Variants in YEATS2 observed in about 807,000 individuals in gnomAD.
YEATS2 encodes the protein YEATS domain-containing protein 2.
YEATS2 carries 77 observed loss-of-function variants against 163.2 expected under a neutral mutation model. The ratio of observed to expected loss-of-function variants is 0.47; its 90% CI spans 0.39 to 0.57. YEATS2 has a LOEUF of 0.57. YEATS2 is among the 20% of genes least tolerant of loss of function. The probability of loss-of-function intolerance (pLI) is 0.00; values close to 1 mark genes in which losing one functional copy is unlikely to be tolerated. For synonymous variants in YEATS2, 631 were observed against 645.1 expected (o/e 0.98, Z 0.33); for missense variants, 1,549 against 1,729.8 (o/e 0.90, Z 1.85).
rs202024193 is a variant in YEATS2 at position 183,732,294 on chromosome 3, C to CA, written c.812+3452dup. 0.011 allele frequency among the ~76,000 whole-genome samples: 1,671 copies of CA among 150,010 alleles called. 62 individuals are homozygous for CA. The East Asian group carries it at 0.14, about 13-fold the overall frequency. ...TGAAACCTTGTCTCTACTAAAAATA[C>CA]AAAAAAAAATTAGCCATGCCCGGTG... On this transcript the variant is annotated intron_variant, in intron 7 of 30. Coordinates refer to ENST00000305135, the MANE Select transcript of YEATS2 (RefSeq NM_018023.5).
intron 23 of YEATS2, 92 bp from the exon 24 acceptor site, chr3:183,800,374 T>G: frequency 4.3e-5 from 38 of 878,296 alleles, no homozygotes; most frequent in Non-Finnish European, 6.3e-5. Context: ...GTTTCCTTAC[T>G]GAGCTTCACT....
chr3:183,804,377 C>T (rs1208167068), intron 27 of YEATS2, among the ~76,000 whole-genome samples, 189 bp downstream of exon 27: 1 of 152,248 alleles, frequency 6.6e-6, no homozygotes, highest in Non-Finnish European at 1.5e-5. Flanking sequence ...TGTTGTGCCC[C>T]AGCCACACAT....
chr3:183,808,061 A>G lies in YEATS2; in HGVS notation c.4043A>G (p.His1348Arg). The part of the protein sequence containing the change: ...IGITLQPVAL[H>R]RNVYASVVED... ...ATCACCCTGCAGCCCGTGGCACTCC[A>G]CAGGAACGTGTATGCGTCCGTGGTG... The change falls in exon 29 of 31, where the codon CAC (histidine) becomes CGC (arginine). Residue 1348 changes from histidine (H) to arginine (R), a missense_variant. By Grantham distance (29) the His-to-Arg change is conservative (BLOSUM62 0). Coordinates refer to ENST00000305135, the MANE Select transcript of YEATS2 (RefSeq NM_018023.5). 6.4e-7 allele frequency: 1 copy of G among 1,563,448 alleles called. No individual in the cohort carries two copies. The highest frequency in any genetic ancestry group is 8.7e-7 in the Non-Finnish European group (1 of 1,153,254).
intron 8 of YEATS2, among the ~76,000 whole-genome samples, chr3:183,742,035 C>G (rs939671323): frequency 2.7e-5 from 4 of 146,860 alleles, no homozygotes; most frequent in African/African-American, 1.0e-4. Context: ...ATAATAAGAC[C>G]TCATCTCTAC....
At chr3:183,779,627 T>C (rs571049954) in intron 19 of YEATS2, among the ~76,000 whole-genome samples, 164 of 152,336 alleles carry the variant, frequency 1.1e-3, no homozygotes, top group Non-Finnish European at 2.1e-3. Context: ...CTGTTTCCTA[T>C]GTGGAAGCAA....
chr3:183,795,005 T>TAAA lies in YEATS2; in HGVS notation c.3098-2906_3098-2904dup, dbSNP rs10636195. On this transcript the variant is annotated intron_variant, in intron 21 of 30. Coordinates refer to ENST00000305135, the MANE Select transcript of YEATS2 (RefSeq NM_018023.5). ...GGCAATGTGACAAGACCCCATTTCT[T>TAAA]AAAAAAAAAAAAAATTAGCTGGGCA... Among the ~76,000 whole-genome samples the TAAA allele has an allele frequency of 6.3e-3, 906 of 144,246 alleles. 3 individuals are homozygous for TAAA. Among genetic ancestry groups the TAAA allele is most frequent in the Middle Eastern group, 0.014 (4 of 286 alleles). The allele number at this position is 144,246 out of a possible 152,430, so 94.6% of individuals were successfully genotyped here.
intron 2 of YEATS2, among the ~76,000 whole-genome samples, chr3:183,715,971 A>T (rs949540178): frequency 6.6e-6 from 1 of 151,864 alleles, no homozygotes; most frequent in Non-Finnish European, 1.5e-5. Context: ...TTATTTATTT[A>T]TTTTTTGAGA....
chr3:183,700,728 G>A (rs1468164169), intron 1 of YEATS2, among the ~76,000 whole-genome samples: 4 of 118,054 alleles, frequency 3.4e-5, no homozygotes, highest in South Asian at 2.9e-4. Context: ...CGGAGATCGC[G>A]CCACTGCACT....
At chr3:183,730,056 T>TTG (rs1717590165) in intron 7 of YEATS2, among the ~76,000 whole-genome samples, 2 of 16,010 alleles carry the variant, frequency 1.2e-4, no homozygotes, top group Non-Finnish European at 2.1e-4. Flanking sequence ...TTGTTTGTTT[T>TTG]TTTTTTTTTT....
chr3:183,746,726 A>C (rs941780977), intron 8 of YEATS2, among the ~76,000 whole-genome samples: 13 of 148,502 alleles, frequency 8.8e-5, no homozygotes, highest in Non-Finnish European at 1.5e-4. Context: ...GATTTCTTCC[A>C]TGGAACCACT....
rs1715342537 is a variant in YEATS2, at chr3:183,712,227, T to TATGTTATGTTATGTTATGTTA, written c.-19-2917_-19-2916insATGTTATGTTATGTTATGTTA. The stretch of plus-strand genomic sequence containing the variant: ...ATTTTATTTTATTTTATTTTATTTT[T>TATGTTATGTTATGTTATGTTA]TGAGACAGAGTCTCACCCTGTCTCC... On this transcript the variant is annotated intron_variant, in intron 1 of 30. Transcript: ENST00000305135. Among the ~76,000 whole-genome samples, 3 of 55,230 alleles carry TATGTTATGTTATGTTATGTTA rather than the reference T, an allele frequency of 5.4e-5. No individual in the cohort carries two copies. The African/African-American group carries it at 6.2e-4, about 11-fold the overall frequency. The allele number at this position is 55,230 out of a possible 152,430, so 36.2% of individuals were successfully genotyped here. A position where few individuals can be genotyped will look rare whatever the true frequency, so the allele number is the denominator to read the frequency against.
At chr3:183,724,345 T>C (rs997255439) in intron 5 of YEATS2, 74 bp from the exon 6 acceptor site, 6 of 1,129,106 alleles carry the variant, frequency 5.3e-6, no homozygotes, top group Non-Finnish European at 7.6e-6. Context: ...TTTATACTTT[T>C]TACAATTTTG....
At chr3:183,706,645 C>T (rs569503207) in intron 1 of YEATS2, among the ~76,000 whole-genome samples, 3 of 152,240 alleles carry the variant, frequency 2.0e-5, no homozygotes, top group Admixed American at 6.5e-5. Flanking sequence ...GGAGAAACCC[C>T]GTCTCTACTA....
rs777512423 is a variant in YEATS2, at chr3:183,717,686, A to G, written c.136A>G (p.Ile46Val). 6.4e-7 allele frequency: 1 copy of G among 1,569,944 alleles called. No individual in the cohort carries two copies. Among genetic ancestry groups the G allele is most frequent in the Non-Finnish European group, 8.6e-7 (1 of 1,164,772 alleles). Reference protein sequence around the residue: ...DAAVQKIETIIKEQFALEMKN... With the variant: ...DAAVQKIETIVKEQFALEMKN... The stretch of plus-strand genomic sequence containing the variant: ...TGCTGTGCAGAAGATTGAGACTATT[A>G]TCAAAGAACAGTTTGCTCTTGAAAT... The change falls in exon 3 of 31, where the codon ATC (isoleucine) becomes GTC (valine). Residue 46 changes from isoleucine (I) to valine (V), a missense_variant. Physicochemically the swap from Ile to Val is conservative, Grantham distance 29. Coordinates refer to ENST00000305135, the MANE Select transcript of YEATS2 (RefSeq NM_018023.5).
intron 8 of YEATS2, among the ~76,000 whole-genome samples, chr3:183,745,353 T>G (rs930668757): frequency 6.6e-6 from 1 of 152,226 alleles, no homozygotes; most frequent in Non-Finnish European, 1.5e-5. Context: ...AGGGCTCATT[T>G]TGACTCGATT....
Position 183,773,754 on chromosome 3 carries a change from G to A in YEATS2, c.2328G>A (p.Leu776=). 6.2e-7 allele frequency: 1 copy of A among 1,613,340 alleles called. No homozygotes were observed. The highest frequency in any genetic ancestry group is 8.5e-7 in the Non-Finnish European group (1 of 1,179,766). The part of the protein sequence containing the change: ...KNPSGKGKLL[L]IPQGAILRAT... ...CTTCAGGAAAAGGAAAACTGCTGCT[G>A]ATCCCTCAAGGAGCCATCCTGCGAG... Residue 776 remains leucine (L), a synonymous_variant, in exon 17 of 31, where the codon CTG becomes CTA. Coordinates refer to ENST00000305135, the MANE Select transcript of YEATS2 (RefSeq NM_018023.5).
intron 6 of YEATS2, among the ~76,000 whole-genome samples, chr3:183,725,731 A>G (rs1337150113): frequency 6.6e-6 from 1 of 152,228 alleles, no homozygotes; most frequent in African/African-American, 2.4e-5. Context: ...ACAATTGAAG[A>G]TGAGATTTGG....
intron 8 of YEATS2, among the ~76,000 whole-genome samples, chr3:183,746,798 G>T (rs1224849949): frequency 6.6e-6 from 1 of 151,516 alleles, no homozygotes; most frequent in African/African-American, 2.4e-5. Flanking sequence ...TGACTGAGTT[G>T]TCCTCTCTAT....
intron 1 of YEATS2, among the ~76,000 whole-genome samples, chr3:183,711,199 A>C (rs555568969): frequency 6.6e-6 from 1 of 152,142 alleles, no homozygotes; most frequent in South Asian, 2.1e-4. Flanking sequence ...AGCTGGGCGC[A>C]GTGGCTCATG....
Sources: gnomAD v4.1 joint callset for allele counts (sites outside exome capture counted in the v4.1 genomes callset) on GRCh38, gnomAD v4.1.1 for gene constraint, MANE v1.5 for transcripts, NCBI Gene and HGNC (gene_info 2026-07-23, HGNC 2026-07-21) for gene names.